Variants in SHKBP1 observed in about 807,000 individuals in gnomAD.
The protein encoded by SHKBP1 is SH3KBP1-binding protein 1.
SHKBP1 carries 71 observed loss-of-function variants against 83.9 expected under a neutral mutation model. That is an observed-to-expected ratio of 0.85 (90% CI 0.70 to 1.03). The LOEUF (loss-of-function observed/expected upper bound fraction) is 1.03, where lower values mean the gene tolerates loss of function less well. Among genes scored for constraint, SHKBP1 ranks in the 50% least tolerant of loss-of-function variants. The pLI is 0.00. For synonymous variants in SHKBP1, 371 were observed against 398.0 expected, an observed-to-expected ratio of 0.93 and a Z score of 0.81; for missense variants, 824 against 982.4, an observed-to-expected ratio of 0.84 and a Z score of 2.16.
chr19:40,589,268 A>C, intron 15 of SHKBP1, 90 bp downstream of exon 15: 7 of 1,324,730 alleles, frequency 5.3e-6, no homozygotes, highest in Non-Finnish European at 7.4e-6. Context: ...TAGCCAGATC[A>C]CTGAGGCCAG....
chr19:40,578,435 C>A, intron 5 of SHKBP1, 27 bp from the exon 6 acceptor site: 1 of 1,613,240 alleles, frequency 6.2e-7, no homozygotes, highest in Non-Finnish European at 8.5e-7. Flanking sequence ...CTCCCTAAGT[C>A]CCAGCCTTTA....
rs2145980851 is a variant in SHKBP1 at position 40,580,823 on chromosome 19, C to T, written c.731C>T (p.Thr244Ile). ...LDWPIERLAL[T>I]ARVHGGALGE... ...TGGCCCATCGAACGACTGGCGCTCACAGCCCGGGTGCATGGTGGGGCTTTG... is the reference window on the plus strand; with the variant it reads ...TGGCCCATCGAACGACTGGCGCTCATAGCCCGGGTGCATGGTGGGGCTTTG... The change falls in exon 9 of 18, where the codon ACA becomes ATA. Residue 244 changes from threonine (T) to isoleucine (I), a missense_variant. Around this residue, in one of 3 missense-constraint regions of SHKBP1, gnomAD observed 355 missense variants for 386.4 expected, o/e 0.92. Coordinates refer to ENST00000291842, the MANE Select transcript of SHKBP1 (RefSeq NM_138392.4). 3 of 1,613,438 alleles carry T rather than the reference C, an allele frequency of 1.9e-6. No individual in the cohort carries two copies. Among genetic ancestry groups the T allele is most frequent in the Non-Finnish European group, 2.5e-6 (3 of 1,179,682 alleles).
chr19:40,588,996 G>A (rs2081334469), intron 14 of SHKBP1, 86 bp from the exon 15 acceptor site: 2 of 1,426,220 alleles, frequency 1.4e-6, no homozygotes, highest in East Asian at 4.6e-5. Context: ...CTGGGGTCTT[G>A]GGGTGGTGGG....
intron 6 of SHKBP1, among the ~76,000 whole-genome samples, chr19:40,579,258 A>G (rs1042341629): frequency 8.6e-5 from 13 of 152,046 alleles, no homozygotes; most frequent in Non-Finnish European, 1.8e-4. Context: ...CTGAGACTAC[A>G]AGCACTCGCC....
chr19:40,590,337 G>T lies in SHKBP1; in HGVS notation c.1683G>T (p.Arg561=). 3.7e-6 allele frequency: 6 copies of T among 1,611,692 alleles called. No homozygotes were observed. Among genetic ancestry groups the T allele is most frequent in the Non-Finnish European group, 5.1e-6 (6 of 1,179,342 alleles). The change falls in exon 16 of 18, where the codon CGG becomes CGT. Residue 561 remains arginine, a synonymous_variant. Transcript: ENST00000291842. The surrounding 1 kb of genome is among the most constrained non-coding windows in gnomAD (Gnocchi z 4.6). The part of the protein sequence containing the change: ...EGSRRLGSRP[R]RYLLTGQANG... ...CCCGGCGGCTCGGCTCTCGGCCCCG[G>T]CGCTACCTGCTCACTGGCCAGGCCA...
chr19:40,590,587 C>G lies in SHKBP1; in HGVS notation c.1769-143C>G, dbSNP rs1156529475. The G allele has an allele frequency of 2.8e-5, 36 of 1,300,296 alleles. No individual in the cohort carries two copies. The East Asian group carries it at 8.1e-4, about 29-fold the overall frequency. The allele number at this position is 1,300,296 out of a possible 1,614,324, so 80.5% of individuals were successfully genotyped here. ...CCCTTCCTGCCCTTGTTTTTCAACC[C>G]CTGTCTCAGCCTCTGGCCCCCATGC... On this transcript the variant is annotated intron_variant, in intron 16 of 17. Transcript: ENST00000291842. This position sits in a 1 kb window ranked among gnomAD's most constrained non-coding sequence, Gnocchi z 4.6.
At position 40,576,986 on chromosome 19, in the gene SHKBP1, G is replaced by A. The variant is rs370380614; in HGVS notation, c.86+1G>A. 2 of 1,515,342 alleles carry A rather than the reference G, an allele frequency of 1.3e-6. No individual in the cohort carries two copies. The highest frequency in any genetic ancestry group is 5.0e-5 in the Admixed American group (2 of 39,970). 93.9% of individuals were successfully genotyped at this position (1,515,342 alleles called of 1,614,324 possible). On this transcript the variant is annotated splice_donor_variant, in intron 1 of 17. Transcript: ENST00000291842. LOFTEE classifies it high-confidence loss of function. The stretch of plus-strand genomic sequence containing the variant: ...TTCATCTGAATGTGGGAGGCAAGAG[G>A]TGAGTGTGGGAGACTCCTGAGGTCC...
rs748008107 is a variant in SHKBP1, at chr19:40,583,513, C to T, written c.1048+28C>T. 4.3e-6 allele frequency: 7 copies of T among 1,612,582 alleles called. No homozygotes were observed. The South Asian group carries it at 6.6e-5, about 15-fold the overall frequency. ...GAGCAGCAGCCTGTGTCCCGGGTGCCCGAGACCCTCCCCTGGGAGAGGGGA... is the reference window on the plus strand; with the variant it reads ...GAGCAGCAGCCTGTGTCCCGGGTGCTCGAGACCCTCCCCTGGGAGAGGGGA... On this transcript the variant is annotated intron_variant, in intron 11 of 17. Coordinates refer to ENST00000291842, the MANE Select transcript of SHKBP1 (RefSeq NM_138392.4).
At position 40,580,343 on chromosome 19, in the gene SHKBP1, G is replaced by C; in HGVS notation, c.420G>C (p.Arg140=). 1 of 1,614,078 alleles carries C rather than the reference G, an allele frequency of 6.2e-7. No homozygotes were observed. The highest frequency in any genetic ancestry group is 8.5e-7 in the Non-Finnish European group (1 of 1,179,944). ...LPPPVFPVKR[R]NRHSLVGPQQ... is the part of the protein sequence containing the mutation. ...CTGTAGTGTTCCCAGTGAAGCGGCG[G>C]AACCGGCACAGCCTAGTGGGGCCTC... The change falls in exon 7 of 18, where the codon CGG becomes CGC. Residue 140 remains arginine (R), a synonymous_variant. Transcript: ENST00000291842.
rs1423980396 is a variant in SHKBP1 at position 40,577,000 on chromosome 19, C to T, written c.86+15C>T. 2 of 1,493,516 alleles carry T rather than the reference C, an allele frequency of 1.3e-6. No homozygotes were observed. The highest frequency in any genetic ancestry group is 1.4e-5 in the African/African-American group (1 of 70,870). 92.5% of individuals were successfully genotyped at this position (1,493,516 alleles called of 1,614,324 possible). ...GGAGGCAAGAGGTGAGTGTGGGAGA[C>T]TCCTGAGGTCCCATCCTCGGGGGCG... is the stretch of plus-strand genomic sequence containing the variant. On this transcript the variant is annotated intron_variant, in intron 1 of 17. Coordinates refer to ENST00000291842, the MANE Select transcript of SHKBP1 (RefSeq NM_138392.4).
intron 4 of SHKBP1, 65 bp downstream of exon 4, chr19:40,577,695 C>T (rs756222262): frequency 1.3e-6 from 2 of 1,537,292 alleles, no homozygotes; most frequent in Non-Finnish European, 1.8e-6. Context: ...TCTTTCACCT[C>T]CTCTGAATGT....
chr19:40,582,079 C>G (rs1478232677), intron 9 of SHKBP1, among the ~76,000 whole-genome samples: 1 of 152,144 alleles, frequency 6.6e-6, no homozygotes, highest in Non-Finnish European at 1.5e-5. Flanking sequence ...TGCTACCACA[C>G]TCAGCTAATT....
At chr19:40,585,379 TAC>T (rs1292231248) in intron 12 of SHKBP1, among the ~76,000 whole-genome samples, 1 of 152,038 alleles carries the variant, frequency 6.6e-6, no homozygotes, top group Non-Finnish European at 1.5e-5. Context: ...GTGCTGGAAA[TAC>T]AGACTTGAGT....
rs1190321680 is a variant in SHKBP1, at chr19:40,590,822, C to G, written c.1861C>G (p.Pro621Ala). 1 of 1,594,212 alleles carries G rather than the reference C, an allele frequency of 6.3e-7. No individual in the cohort carries two copies. The highest frequency in any genetic ancestry group is 8.6e-7 in the Non-Finnish European group (1 of 1,164,302). ...TTCAGCTCCCTCATGGGGCTGTCTC[C>G]CCAGCCCCTCACCCCGCATCTCCCT... Reference protein sequence around the residue: ...APSAPSWGCLPSPSPRISLTS... With the variant: ...APSAPSWGCLASPSPRISLTS... The change falls in exon 17 of 18, where the codon CCC (proline) becomes GCC (alanine). Residue 621 changes from proline to alanine, a missense_variant. This residue lies in a region of SHKBP1 where 287 missense variants were observed against 322.9 expected (regional missense o/e 0.89). Coordinates refer to ENST00000291842, the MANE Select transcript of SHKBP1 (RefSeq NM_138392.4). The surrounding 1 kb of genome is among the most constrained non-coding windows in gnomAD (Gnocchi z 4.6).
At chr19:40,588,531 C>T in intron 13 of SHKBP1, 93 bp from the exon 14 acceptor site, 2 of 1,497,604 alleles carry the variant, frequency 1.3e-6, no homozygotes, top group East Asian at 2.3e-5. Flanking sequence ...AGGGCTGACC[C>T]TCCTGAAACG....
chr19:40,586,713 C>A, intron 12 of SHKBP1, 61 bp from the exon 13 acceptor site: 2 of 1,421,080 alleles, frequency 1.4e-6, no homozygotes, highest in Non-Finnish European at 1.9e-6. Flanking sequence ...GTTTCTTTCT[C>A]CCTGCCCTGG....
chr19:40,579,030 T>C (rs1314289902), intron 6 of SHKBP1, among the ~76,000 whole-genome samples: 2 of 152,170 alleles, frequency 1.3e-5, no homozygotes, highest in African/African-American at 4.8e-5. Context: ...TTCATGAAAG[T>C]TGCCAGATAT....
chr19:40,583,801 T>C (rs2081289913), intron 12 of SHKBP1, 84 bp downstream of exon 12: 1 of 1,049,184 alleles, frequency 9.5e-7, no homozygotes, highest in East Asian at 2.4e-5. Flanking sequence ...TTGTGTAGCA[T>C]GACCCAGAGG....
intron 13 of SHKBP1, among the ~76,000 whole-genome samples, chr19:40,588,075 T>C (rs1400641176): frequency 6.6e-6 from 1 of 151,828 alleles, no homozygotes; most frequent in African/African-American, 2.4e-5. Flanking sequence ...TGCAGATTGG[T>C]AGGGACAAGC....
Sources: allele counts gnomAD v4.1 joint callset (sites outside exome capture counted in the v4.1 genomes callset), GRCh38; gene constraint gnomAD v4.1.1; regional missense constraint gnomAD v4.1.1; non-coding constraint Gnocchi (gnomAD v3.1); transcripts MANE v1.5; gene names NCBI Gene and HGNC (gene_info 2026-07-23, HGNC 2026-07-21).